The following GFOD1 variants were observed in gnomAD, a reference collection of about 807,000 sequenced individuals.
GFOD1 encodes Gfo/Idh/MocA-like oxidoreductase domain containing 1, also known as glucose-fructose oxidoreductase domain-containing protein 1.
In GFOD1, 9 loss-of-function variants were observed where a neutral mutation model predicts 25.4. That is an observed-to-expected ratio of 0.35 (90% CI 0.21 to 0.62). GFOD1 has a LOEUF of 0.62. Among genes scored for constraint, GFOD1 ranks in the 20% least tolerant of loss-of-function variants. The pLI is 0.72. For synonymous variants in GFOD1, 253 were observed against 245.6 expected (o/e 1.03, Z -0.28); for missense variants, 403 against 556.9 (o/e 0.72, Z 2.78).
chr6:13,466,466 T>C (rs548171044), intron 1 of GFOD1, among the ~76,000 whole-genome samples: 1 of 152,146 alleles, frequency 6.6e-6, no homozygotes, highest in Non-Finnish European at 1.5e-5. Flanking sequence ...GGTAACTACA[T>C]GCCGAGGGAG....
intron 1 of GFOD1, among the ~76,000 whole-genome samples, chr6:13,441,790 G>A (rs1757920201): frequency 6.6e-6 from 1 of 152,090 alleles, no homozygotes. Context: ...AAATACTGAA[G>A]TAAATGTGAT....
chr6:13,357,906 A>G lies in GFOD1; in HGVS notation c.*6837T>C, dbSNP rs140221049. 6.6e-6 allele frequency: 1 copy of G among 152,432 alleles called. No homozygotes were observed. The highest frequency in any genetic ancestry group is 1.5e-5 in the Non-Finnish European group (1 of 68,066). 9.4% of individuals were successfully genotyped at this position (152,432 alleles called of 1,614,324 possible). On this transcript the variant is annotated 3_prime_UTR_variant, in exon 2 of 2. Coordinates refer to ENST00000379287, the MANE Select transcript of GFOD1 (RefSeq NM_018988.4). ...AATGCAAATTGCGGAGAACAGCTGGAAGCCACGTCAGAGCGGCACAGGCCA... is the reference window on the plus strand; with the variant it reads ...AATGCAAATTGCGGAGAACAGCTGGGAGCCACGTCAGAGCGGCACAGGCCA...
intron 1 of GFOD1, among the ~76,000 whole-genome samples, chr6:13,375,248 T>TA (rs1785234546): frequency 6.6e-6 from 1 of 152,180 alleles, no homozygotes; most frequent in Non-Finnish European, 1.5e-5. Flanking sequence ...ACCCTTCTCT[T>TA]AAGGCTGGCT....
At chr6:13,459,404 C>G (rs1758251798) in intron 1 of GFOD1, among the ~76,000 whole-genome samples, 1 of 151,346 alleles carries the variant, frequency 6.6e-6, no homozygotes, top group Admixed American at 6.6e-5. Flanking sequence ...CATAAAAACC[C>G]TAGAAGAAAA....
At chr6:13,468,345 T>G (rs1296270040) in intron 1 of GFOD1, among the ~76,000 whole-genome samples, 2 of 152,208 alleles carry the variant, frequency 1.3e-5, no homozygotes, top group African/African-American at 4.8e-5. Flanking sequence ...TATTTAGTAT[T>G]TTATCAATTA....
intron 1 of GFOD1, among the ~76,000 whole-genome samples, chr6:13,415,003 A>G (rs1786139995): frequency 6.6e-6 from 1 of 152,208 alleles, no homozygotes; most frequent in Non-Finnish European, 1.5e-5. Context: ...CCGAGCAGGG[A>G]AGGGAATTAG....
rs1758234895 is a variant in GFOD1 at position 13,458,666 on chromosome 6, A to T, written c.253+27972T>A. 4.1e-5 allele frequency among the ~76,000 whole-genome samples: 6 copies of T among 146,094 alleles called. No homozygotes were observed. The South Asian group carries it at 1.4e-3, about 34-fold the overall frequency. On this transcript the variant is annotated intron_variant, in intron 1 of 1. Coordinates refer to ENST00000379287, the MANE Select transcript of GFOD1 (RefSeq NM_018988.4). ...TGCATTATAGGGTTGTTGGGACCTT[A>T]GAGGGACAAAAATATGCTGATATGA... is the stretch of plus-strand genomic sequence containing the variant.
chr6:13,474,532 C>T (rs191876911), intron 1 of GFOD1, among the ~76,000 whole-genome samples: 2 of 152,300 alleles, frequency 1.3e-5, no homozygotes, highest in East Asian at 3.9e-4. Flanking sequence ...CTCAAGCAAG[C>T]TCTTCCTGGC....
rs916624474 is a variant in GFOD1, at chr6:13,362,609, G to A, written c.*2134C>T. 1 of 152,184 alleles carries A rather than the reference G, an allele frequency of 6.6e-6. No individual in the cohort carries two copies. Among genetic ancestry groups the A allele is most frequent in the Non-Finnish European group, 1.5e-5 (1 of 68,060 alleles). The allele number at this position is 152,184 out of a possible 1,614,324, so 9.4% of individuals were successfully genotyped here. A position where few individuals can be genotyped will look rare whatever the true frequency, so the allele number is the denominator to read the frequency against. On this transcript the variant is annotated 3_prime_UTR_variant, in exon 2 of 2. Coordinates refer to ENST00000379287, the MANE Select transcript of GFOD1 (RefSeq NM_018988.4). ...CAAGAGCTGGAATGCTGACCATGAA[G>A]TCTGTCAGCAACAGGTCAGGGACCA...
rs1562202761 is a variant in GFOD1 at position 13,390,785 on chromosome 6, AAGGAAGG to A, written c.254-25130_254-25124del. ...AAAGAGAGAGAGAGAGAGAGAAAGG[AAGGAAGG>A]AAGGAAGGAAGGAAGGAAGGAAGGA... On this transcript the variant is annotated intron_variant, in intron 1 of 1. Transcript: ENST00000379287. Among the ~76,000 whole-genome samples the A allele has an allele frequency of 3.3e-3, 389 of 117,678 alleles. 1 individual carries two copies. Among genetic ancestry groups the A allele is most frequent in the Non-Finnish European group, 4.5e-3 (248 of 55,614 alleles). 77.2% of individuals were successfully genotyped at this position (117,678 alleles called of 152,430 possible).
chr6:13,459,085 A>G lies in GFOD1; in HGVS notation c.253+27553T>C, dbSNP rs114240031. Among the ~76,000 whole-genome samples the G allele has an allele frequency of 4.7e-3, 716 of 152,310 alleles. 3 individuals are homozygous for G. Among genetic ancestry groups the G allele is most frequent in the African/African-American group, 0.016 (669 of 41,570 alleles). ...GTCTAACGGTAGGTGCCAGGGCCACAAGGGCTCTGCTCTGATGAGTGGGTT... is the reference window on the plus strand; with the variant it reads ...GTCTAACGGTAGGTGCCAGGGCCACGAGGGCTCTGCTCTGATGAGTGGGTT... On this transcript the variant is annotated intron_variant, in intron 1 of 1. Transcript: ENST00000379287.
At chr6:13,388,902 T>G in intron 1 of GFOD1, among the ~76,000 whole-genome samples, 1 of 151,968 alleles carries the variant, frequency 6.6e-6, no homozygotes, top group Non-Finnish European at 1.5e-5. Context: ...ACAAAGAACT[T>G]AAACAAATTT....
chr6:13,476,190 C>T (rs998413760), intron 1 of GFOD1, among the ~76,000 whole-genome samples: 4 of 152,162 alleles, frequency 2.6e-5, no homozygotes, highest in African/African-American at 9.7e-5. Context: ...GGAAACAATA[C>T]AAACATCCAT....
At position 13,430,455 on chromosome 6, in the gene GFOD1, A is replaced by T. The variant is rs1161174554; in HGVS notation, c.253+56183T>A. On this transcript the variant is annotated intron_variant, in intron 1 of 1. Coordinates refer to ENST00000379287, the MANE Select transcript of GFOD1 (RefSeq NM_018988.4). This position sits in a 1 kb window ranked among gnomAD's most constrained non-coding sequence, Gnocchi z 4.1. ...CCACCTCAAAATAAATAAATAAGTA[A>T]ATAAATAAAAATTAAAAAATAAAAT... Among the ~76,000 whole-genome samples, 1 of 152,110 alleles carries T rather than the reference A, an allele frequency of 6.6e-6. No homozygotes were observed. The highest frequency in any genetic ancestry group is 6.6e-5 in the Admixed American group (1 of 15,264).
intron 1 of GFOD1, among the ~76,000 whole-genome samples, chr6:13,392,458 CTT>C (rs545656009): frequency 6.8e-6 from 1 of 147,048 alleles, no homozygotes; most frequent in Non-Finnish European, 1.5e-5. Flanking sequence ...TTCTTAATTA[CTT>C]TTTTTTTTAA....
intron 1 of GFOD1, among the ~76,000 whole-genome samples, chr6:13,471,276 C>A (rs1045953911): frequency 6.6e-6 from 1 of 152,156 alleles, no homozygotes; most frequent in Admixed American, 6.5e-5. Context: ...CCTTCCTGGG[C>A]CATCTACTAA....
chr6:13,445,005 C>T (rs1584656162), intron 1 of GFOD1, among the ~76,000 whole-genome samples: 1 of 152,144 alleles, frequency 6.6e-6, no homozygotes, highest in East Asian at 1.9e-4. Flanking sequence ...TAAATGAATC[C>T]CCTTCTAAAG....
At chr6:13,486,531 G>A (rs1415224677) in intron 1 of GFOD1, 107 bp downstream of exon 1, 4 of 912,820 alleles carry the variant, frequency 4.4e-6, no homozygotes, top group African/African-American at 1.6e-5. Flanking sequence ...CAGCGTAGAT[G>A]CAGGGTAAGC....
intron 1 of GFOD1, among the ~76,000 whole-genome samples, chr6:13,368,580 G>C (rs1785091289): frequency 6.6e-6 from 1 of 152,098 alleles, no homozygotes; most frequent in South Asian, 2.1e-4. Flanking sequence ...ACACCCATTG[G>C]GTGTAGGCTC....
Sources: gnomAD v4.1 joint callset for allele counts (sites outside exome capture counted in the v4.1 genomes callset) on GRCh38, gnomAD v4.1.1 for gene constraint, Gnocchi (gnomAD v3.1) non-coding constraint, MANE v1.5 for transcripts, NCBI Gene and HGNC (gene_info 2026-07-23, HGNC 2026-07-21) for gene names.